The following TTC27 variants were observed in gnomAD, a reference collection of about 807,000 sequenced individuals.
The protein encoded by TTC27 is tetratricopeptide repeat protein 27.
In TTC27, 79 loss-of-function variants were observed where a neutral mutation model predicts 115.9. The ratio of observed to expected loss-of-function variants is 0.68; its 90% CI spans 0.57 to 0.82. TTC27 has a LOEUF of 0.82. TTC27 is among the 40% of genes least tolerant of loss of function. The pLI, the probability that TTC27 is intolerant of heterozygous loss-of-function variation, is 0.00. For missense variants in TTC27, 1,054 were observed against 993.1 expected (o/e 1.06, Z -0.82); for synonymous variants, 401 against 356.0 (o/e 1.13, Z -1.42).
At chr2:32,735,598 A>G (rs1668427764) in intron 11 of TTC27, among the ~76,000 whole-genome samples, 1 of 152,136 alleles carries the variant, frequency 6.6e-6, no homozygotes, top group South Asian at 2.1e-4. Context: ...ATCTTTGTGT[A>G]TTATTTTAAA....
At chr2:32,703,056 G>T in intron 10 of TTC27, 136 bp downstream of exon 10, 1 of 666,100 alleles carries the variant, frequency 1.5e-6, no homozygotes, top group Non-Finnish European at 2.6e-6. Flanking sequence ...TAGAGAATAA[G>T]TTCTATAATT....
chr2:32,811,729 C>T (rs955221506), intron 17 of TTC27, among the ~76,000 whole-genome samples: 3 of 152,192 alleles, frequency 2.0e-5, no homozygotes, highest in Non-Finnish European at 4.4e-5. Context: ...GATAGAACAC[C>T]AGTTCCACTC....
chr2:32,672,558 A>C (rs1359164760), intron 8 of TTC27, among the ~76,000 whole-genome samples, 174 bp downstream of exon 8: 4 of 152,232 alleles, frequency 2.6e-5, no homozygotes, highest in Admixed American at 2.6e-4. Flanking sequence ...AGATATTACA[A>C]ATCTCCAATG....
intron 9 of TTC27, among the ~76,000 whole-genome samples, chr2:32,680,834 C>T (rs920542812): frequency 6.6e-6 from 1 of 152,192 alleles, no homozygotes; most frequent in African/African-American, 2.4e-5. Flanking sequence ...CTAGCACACT[C>T]TTTTTACATT....
intron 13 of TTC27, among the ~76,000 whole-genome samples, chr2:32,764,179 C>G (rs1669543621): frequency 6.6e-6 from 1 of 152,156 alleles, no homozygotes; most frequent in Non-Finnish European, 1.5e-5. Context: ...TTAACCTCCT[C>G]CTCAGTCAAC....
At chr2:32,748,552 A>G (rs1037914916) in intron 12 of TTC27, among the ~76,000 whole-genome samples, 3 of 151,282 alleles carry the variant, frequency 2.0e-5, no homozygotes, top group African/African-American at 7.3e-5. Flanking sequence ...TCAGTTGTTT[A>G]TTTTTCTCTT....
At chr2:32,751,603 C>A (rs1669020888) in intron 12 of TTC27, among the ~76,000 whole-genome samples, 1 of 152,164 alleles carries the variant, frequency 6.6e-6, no homozygotes, top group Admixed American at 6.5e-5. Flanking sequence ...AACCCAACCA[C>A]TCATCGTGAT....
chr2:32,706,462 T>C (rs1262770775), intron 10 of TTC27, among the ~76,000 whole-genome samples: 3 of 152,160 alleles, frequency 2.0e-5, no homozygotes, highest in Non-Finnish European at 4.4e-5. Flanking sequence ...GTTGCTGTAT[T>C]AAAAATAAAT....
chr2:32,649,689 G>A (rs1407797065), intron 4 of TTC27, among the ~76,000 whole-genome samples: 2 of 152,044 alleles, frequency 1.3e-5, no homozygotes, highest in African/African-American at 4.8e-5. Flanking sequence ...GGGACTACAG[G>A]CGCCTGCCAC....
At chr2:32,727,395 G>T (rs776157191) in intron 10 of TTC27, among the ~76,000 whole-genome samples, 2 of 152,252 alleles carry the variant, frequency 1.3e-5, no homozygotes, top group East Asian at 3.9e-4. Context: ...TAGACCAGTG[G>T]ATTTTATTAT....
At chr2:32,697,204 C>A (rs955766818) in intron 9 of TTC27, among the ~76,000 whole-genome samples, 263 of 132,864 alleles carry the variant, frequency 2.0e-3, no homozygotes, top group Admixed American at 4.6e-3. Flanking sequence ...AAAAAAAAAA[C>A]AAACAAAAAG....
chr2:32,679,038 G>A, intron 9 of TTC27, 116 bp downstream of exon 9: 2 of 831,596 alleles, frequency 2.4e-6, no homozygotes, highest in South Asian at 3.5e-5. Flanking sequence ...GAAATAAGGT[G>A]GAGAAAAATC....
At chr2:32,630,840 T>G (rs908740918) in intron 2 of TTC27, 140 bp downstream of exon 2, 31 of 736,610 alleles carry the variant, frequency 4.2e-5, no homozygotes, top group Non-Finnish European at 6.3e-5. Context: ...CCAAGTAATC[T>G]ATGTAAAAAC....
At chr2:32,784,858 G>C (rs144971014) in intron 15 of TTC27, among the ~76,000 whole-genome samples, 103 of 152,256 alleles carry the variant, frequency 6.8e-4, no homozygotes, top group African/African-American at 2.5e-3. Flanking sequence ...ACTGTTGGAG[G>C]CAGTTGTTAT....
chr2:32,644,230 T>C (rs1337968500), intron 4 of TTC27, among the ~76,000 whole-genome samples: 2 of 148,706 alleles, frequency 1.3e-5, no homozygotes, highest in East Asian at 3.9e-4. Context: ...TGCATGCCTG[T>C]AATCCTAGCT....
At chr2:32,756,279 C>T (rs550400199) in intron 12 of TTC27, among the ~76,000 whole-genome samples, 49 of 152,302 alleles carry the variant, frequency 3.2e-4, no homozygotes, top group African/African-American at 1.1e-3. Flanking sequence ...CCTTCAATCA[C>T]GCAGTGAGAT....
chr2:32,732,496 C>T (rs1033941071), intron 10 of TTC27, among the ~76,000 whole-genome samples: 4 of 152,202 alleles, frequency 2.6e-5, no homozygotes, highest in African/African-American at 7.2e-5. Flanking sequence ...AGCCTCCCTG[C>T]TCAGAAACTG....
intron 15 of TTC27, among the ~76,000 whole-genome samples, chr2:32,786,127 A>ATT (rs35589216): frequency 6.7e-6 from 1 of 148,760 alleles, no homozygotes; most frequent in East Asian, 2.0e-4. Flanking sequence ...CTTAAAATCA[A>ATT]TTTTTTTTTT....
At chr2:32,730,145 A>G (rs1668244455) in intron 10 of TTC27, among the ~76,000 whole-genome samples, 2 of 152,170 alleles carry the variant, frequency 1.3e-5, no homozygotes, top group South Asian at 4.1e-4. Flanking sequence ...CTTCCAGGCT[A>G]TTTGGGCACA....
Sources: allele counts gnomAD v4.1 joint callset (sites outside exome capture counted in the v4.1 genomes callset), GRCh38; gene constraint gnomAD v4.1.1; transcripts MANE v1.5; gene names NCBI Gene and HGNC (gene_info 2026-07-23, HGNC 2026-07-21).